C4orf50: variants seen among roughly 807,000 people sequenced by gnomAD.
The protein encoded by C4orf50 is uncharacterized protein C4orf50.
C4orf50 carries 80 observed loss-of-function variants against 77.2 expected under a neutral mutation model. That is an observed-to-expected ratio of 1.04 (90% CI 0.87 to 1.25). The LOEUF (loss-of-function observed/expected upper bound fraction) is 1.25. C4orf50 is among the 50% of genes most tolerant of loss of function. The pLI is 0.00. For missense variants in C4orf50, 1,257 were observed against 1,152.9 expected (o/e 1.09, Z -1.31); for synonymous variants, 532 against 465.3 (o/e 1.14, Z -1.84).
At chr4:5,972,712 T>A (rs960224010) in intron 31 of C4orf50, among the ~76,000 whole-genome samples, 5 of 150,914 alleles carry the variant, frequency 3.3e-5, no homozygotes, top group Non-Finnish European at 7.3e-5. Context: ...AGGCAGAGCC[T>A]GGAGGGACCA....
chr4:5,898,485 G>A (rs1284322707), intron 7 of C4orf50: 1 of 152,214 alleles, frequency 6.6e-6, no homozygotes, highest in Non-Finnish European at 1.5e-5. Flanking sequence ...GTTAAGAGAG[G>A]TAGGTACCCT....
At chr4:6,004,964 C>T (rs1722190047) in intron 25 of C4orf50, among the ~76,000 whole-genome samples, 1 of 152,164 alleles carries the variant, frequency 6.6e-6, no homozygotes, top group South Asian at 2.1e-4. Flanking sequence ...CTCACAACCA[C>T]ACCAGGATGC....
intron 25 of C4orf50, among the ~76,000 whole-genome samples, chr4:5,995,284 G>C (rs544882399): frequency 1.3e-3 from 201 of 152,220 alleles, no homozygotes; most frequent in African/African-American, 4.6e-3. Flanking sequence ...TGTCTGCCCA[G>C]GGGGTTTGGA....
chr4:5,967,966 C>G (rs770560282), intron 31 of C4orf50, among the ~76,000 whole-genome samples: 26 of 152,168 alleles, frequency 1.7e-4, no homozygotes, highest in Non-Finnish European at 3.1e-4. Context: ...GGCCGACGGC[C>G]CCCAAGTGGT....
intron 7 of C4orf50, among the ~76,000 whole-genome samples, chr4:5,930,961 G>A (rs1400418259): frequency 2.6e-5 from 4 of 152,296 alleles, no homozygotes; most frequent in Non-Finnish European, 4.4e-5. Flanking sequence ...GGACAGTCCC[G>A]GCCAGGAGTG....
chr4:5,920,882 A>AG (rs914235343), intron 7 of C4orf50, among the ~76,000 whole-genome samples: 6 of 152,206 alleles, frequency 3.9e-5, no homozygotes, highest in African/African-American at 1.4e-4. Context: ...GTGAGCTCCG[A>AG]GGGGTACTAG....
intron 7 of C4orf50, among the ~76,000 whole-genome samples, chr4:5,950,455 C>T (rs769753881): frequency 1.2e-4 from 19 of 152,214 alleles, no homozygotes; most frequent in Non-Finnish European, 1.8e-4. Context: ...CTGATGACTA[C>T]GTGAGGTTCC....
chr4:6,004,183 T>G (rs1722063389), intron 25 of C4orf50, among the ~76,000 whole-genome samples: 1 of 144,732 alleles, frequency 6.9e-6, no homozygotes, highest in Non-Finnish European at 1.5e-5. Flanking sequence ...GTGATGATGG[T>G]GATGGTGATG....
chr4:5,953,827 G>A (rs530732634), downstream of C4orf50, among the ~76,000 whole-genome samples: 3 of 152,340 alleles, frequency 2.0e-5, no homozygotes, highest in South Asian at 6.2e-4. Flanking sequence ...GTACAGAATT[G>A]CAAAAAGATG....
intron 25 of C4orf50, among the ~76,000 whole-genome samples, chr4:6,004,224 A>G (rs970614850): frequency 6.5e-5 from 3 of 46,424 alleles, no homozygotes; most frequent in Admixed American, 2.5e-4. Context: ...GATGGTGATG[A>G]TGTGATGGTG....
intron 7 of C4orf50, among the ~76,000 whole-genome samples, chr4:5,936,374 C>T (rs1718014322): frequency 6.6e-6 from 1 of 151,984 alleles, no homozygotes. Context: ...CCAGCCTGGT[C>T]AACATGGTGA....
chr4:6,005,407 G>C (rs1021877190), intron 25 of C4orf50, among the ~76,000 whole-genome samples: 3 of 152,062 alleles, frequency 2.0e-5, no homozygotes, highest in Non-Finnish European at 2.9e-5. Context: ...ATGAAACCTT[G>C]AGAAGGTCAC....
chr4:5,936,637 G>A (rs1020576300), intron 7 of C4orf50, among the ~76,000 whole-genome samples: 2 of 88,746 alleles, frequency 2.3e-5, no homozygotes, highest in Non-Finnish European at 2.3e-5. Flanking sequence ...GAGCCACAGA[G>A]GAAAAAATTG....
intron 29 of C4orf50, among the ~76,000 whole-genome samples, chr4:5,978,536 C>T (rs1451531362): frequency 1.3e-5 from 2 of 152,174 alleles, no homozygotes; most frequent in Non-Finnish European, 1.5e-5. Context: ...ACTGAAGTTT[C>T]CACACACACC....
intron 7 of C4orf50, chr4:5,899,616 G>A (rs1716261333): frequency 6.6e-6 from 1 of 152,214 alleles, no homozygotes; most frequent in Admixed American, 6.5e-5. Flanking sequence ...CTAGCTAGGA[G>A]CATAAATAAA....
At position 6,000,799 on chromosome 4, in the gene C4orf50, C is replaced by T. The variant is rs959131960; in HGVS notation, c.964-6323G>A. 6.6e-6 allele frequency among the ~76,000 whole-genome samples: 1 copy of T among 152,112 alleles called. No individual in the cohort carries two copies. The highest frequency in any genetic ancestry group is 2.1e-4 in the South Asian group (1 of 4,828). On this transcript the variant is annotated intron_variant, in intron 25 of 33. Coordinates refer to ENST00000531445, the Ensembl canonical transcript of C4orf50. The surrounding 1 kb of genome is among the most constrained non-coding windows in gnomAD (Gnocchi z 6.0). ...GTATTTACTGAAGAAACAGGGCGTG[C>T]GACACAGCTATGGGATCAGCTCACC...
At chr4:6,002,253 G>A (rs1479133707) in intron 25 of C4orf50, among the ~76,000 whole-genome samples, 2 of 152,146 alleles carry the variant, frequency 1.3e-5, no homozygotes, top group Non-Finnish European at 2.9e-5. Context: ...TGATGCGTCT[G>A]CAAGTCAAAG....
intron 7 of C4orf50, among the ~76,000 whole-genome samples, chr4:5,915,385 A>G (rs1011701161): frequency 1.9e-4 from 29 of 152,220 alleles, no homozygotes; most frequent in African/African-American, 5.5e-4. Context: ...TCATTAGCCA[A>G]CCAACAGCTA....
intron 31 of C4orf50, 103 bp from the exon 10 acceptor site, chr4:5,967,565 C>A (rs6446420): frequency 0.66 from 682,102 of 1,040,634 alleles, 229,299 homozygotes; most frequent in African/African-American, 0.83. Flanking sequence ...CCCCTCCCCG[C>A]AAAAAACCGC....
Sources: allele counts gnomAD v4.1 joint callset (sites outside exome capture counted in the v4.1 genomes callset), GRCh38; gene constraint gnomAD v4.1.1; non-coding constraint Gnocchi (gnomAD v3.1); transcripts MANE v1.5; gene names NCBI Gene and HGNC (gene_info 2026-07-23, HGNC 2026-07-21).